Variants in BBX observed in about 807,000 individuals in gnomAD.
BBX encodes the protein HMG box transcription factor BBX.
BBX carries 30 observed loss-of-function variants against 100.2 expected under a neutral mutation model. The ratio of observed to expected loss-of-function variants is 0.30; its 90% confidence interval spans 0.22 to 0.41. BBX has a LOEUF of 0.41. Among genes scored for constraint, BBX ranks in the 10% least tolerant of loss-of-function variants. BBX has a pLI of 1.00. For missense variants in BBX, 1,023 were observed against 1,129.8 expected (o/e 0.91, Z 1.35); for synonymous variants, 376 against 388.1 (o/e 0.97, Z 0.37).
intron 3 of BBX, among the ~76,000 whole-genome samples, chr3:107,655,644 A>G (rs1433744692): frequency 6.6e-6 from 1 of 151,022 alleles, no homozygotes; most frequent in Non-Finnish European, 1.5e-5. Context: ...TTAGCCTCCC[A>G]ATAGCCAGGA....
chr3:107,728,655 G>A, intron 5 of BBX, 110 bp from the exon 6 acceptor site: 1 of 935,848 alleles, frequency 1.1e-6, no homozygotes, highest in Non-Finnish European at 1.6e-6. Flanking sequence ...AGAAGTCACT[G>A]AAATTGTTTT....
intron 16 of BBX, among the ~76,000 whole-genome samples, chr3:107,799,167 C>T (rs1396614980): frequency 6.6e-6 from 1 of 151,492 alleles, no homozygotes; most frequent in African/African-American, 2.4e-5. Context: ...AAAACAACAA[C>T]AACAAACACA....
In BBX at chr3:107,584,194, AT is replaced by A. The variant is rs367562069; in HGVS notation, c.-84+57797del. Among the ~76,000 whole-genome samples the A allele has an allele frequency of 2.7e-3, 90 of 32,796 alleles. 9 individuals carry two copies. Among genetic ancestry groups the A allele is most frequent in the South Asian group, 8.3e-3 (16 of 1,922 alleles). 21.5% of individuals were successfully genotyped at this position (32,796 alleles called of 152,430 possible). The stretch of plus-strand genomic sequence containing the variant: ...TTATATATATTATATATAATATATG[AT>A]ATATATATTATTATATATATTATAT... On this transcript the variant is annotated intron_variant, in intron 2 of 17. Transcript: ENST00000325805.
At chr3:107,797,778 CAG>C (rs1339620085) in intron 15 of BBX, among the ~76,000 whole-genome samples, 1 of 152,154 alleles carries the variant, frequency 6.6e-6, no homozygotes, top group East Asian at 1.9e-4. Flanking sequence ...TTGCTCTTGA[CAG>C]AGTGACTCAG....
intron 2 of BBX, among the ~76,000 whole-genome samples, chr3:107,533,299 T>C (rs1179003097): frequency 2.0e-5 from 3 of 152,228 alleles, no homozygotes; most frequent in Non-Finnish European, 4.4e-5. Context: ...AGTGAAATTC[T>C]CTGATATGCC....
At chr3:107,716,355 A>T in intron 4 of BBX, 1 of 414,416 alleles carries the variant, frequency 2.4e-6, no homozygotes, top group East Asian at 4.3e-5. Context: ...GTAAGCAATT[A>T]TAACACAATG....
chr3:107,801,435 T>C (rs137943979), intron 17 of BBX, among the ~76,000 whole-genome samples, 154 bp downstream of exon 17: 1 of 152,366 alleles, frequency 6.6e-6, no homozygotes, highest in East Asian at 1.9e-4. Flanking sequence ...ATATGCTAAT[T>C]AGCAGTGCGG....
At chr3:107,704,842 A>G (rs1282867340) in intron 3 of BBX, among the ~76,000 whole-genome samples, 1 of 152,212 alleles carries the variant, frequency 6.6e-6, no homozygotes, top group Non-Finnish European at 1.5e-5. Flanking sequence ...AGAATCAAGT[A>G]CAATCAAAGC....
chr3:107,569,182 C>A (rs938891442), intron 2 of BBX, among the ~76,000 whole-genome samples: 5 of 152,164 alleles, frequency 3.3e-5, no homozygotes, highest in African/African-American at 1.2e-4. Context: ...TCATAACAAT[C>A]TTAAGAATAT....
At chr3:107,607,675 C>T (rs781150001) in intron 2 of BBX, among the ~76,000 whole-genome samples, 2 of 152,130 alleles carry the variant, frequency 1.3e-5, no homozygotes, top group Non-Finnish European at 2.9e-5. Flanking sequence ...ACATTCCCAC[C>T]TGCAGCGTGC....
At chr3:107,787,921 C>T (rs2068605425) in intron 13 of BBX, among the ~76,000 whole-genome samples, 1 of 152,088 alleles carries the variant, frequency 6.6e-6, no homozygotes, top group Non-Finnish European at 1.5e-5. Flanking sequence ...AGAGGACTGC[C>T]AGGAGGCCCA....
At chr3:107,669,660 G>A (rs185662000) in intron 3 of BBX, among the ~76,000 whole-genome samples, 44 of 152,168 alleles carry the variant, frequency 2.9e-4, no homozygotes, top group African/African-American at 1.0e-3. Context: ...GGGTTGAAGT[G>A]GTGCCAAAGG....
At chr3:107,633,893 A>G (rs183689234) in intron 2 of BBX, among the ~76,000 whole-genome samples, 5 of 152,308 alleles carry the variant, frequency 3.3e-5, no homozygotes, top group Admixed American at 2.6e-4. Flanking sequence ...TGCCCCCAAC[A>G]GGGTTTCTTA....
intron 2 of BBX, among the ~76,000 whole-genome samples, chr3:107,531,814 C>G (rs1041283858): frequency 6.6e-6 from 1 of 152,294 alleles, no homozygotes; most frequent in Non-Finnish European, 1.5e-5. Flanking sequence ...GAGAGAACAG[C>G]TCTTTTCATA....
intron 10 of BBX, among the ~76,000 whole-genome samples, chr3:107,771,802 C>G (rs570353272): frequency 1.2e-4 from 19 of 152,196 alleles, no homozygotes; most frequent in African/African-American, 4.1e-4. Flanking sequence ...AATTGTTTAG[C>G]AAATGGTTAT....
intron 2 of BBX, among the ~76,000 whole-genome samples, chr3:107,623,899 G>A (rs975531505): frequency 1.6e-4 from 25 of 152,184 alleles, no homozygotes; most frequent in African/African-American, 5.5e-4. Context: ...ACAGACTCTC[G>A]TCTGTAAAGC....
intron 7 of BBX, among the ~76,000 whole-genome samples, chr3:107,737,965 A>C (rs1242217563): frequency 7.5e-6 from 1 of 132,790 alleles, no homozygotes; most frequent in Non-Finnish European, 1.5e-5. Flanking sequence ...CAAAAAATTG[A>C]GATCTGAAAT....
intron 2 of BBX, among the ~76,000 whole-genome samples, chr3:107,541,698 A>G (rs1335090217): frequency 6.6e-6 from 1 of 152,174 alleles, no homozygotes; most frequent in East Asian, 1.9e-4. Context: ...AGTTACAATG[A>G]AAATTAATTA....
intron 10 of BBX, among the ~76,000 whole-genome samples, chr3:107,761,397 A>G (rs957969151): frequency 2.0e-5 from 3 of 152,142 alleles, no homozygotes; most frequent in Admixed American, 2.0e-4. Context: ...ACTTAGAGAG[A>G]TCTTCTTGGC....
Sources: gnomAD v4.1 joint callset for allele counts (sites outside exome capture counted in the v4.1 genomes callset) on GRCh38, gnomAD v4.1.1 for gene constraint, MANE v1.5 for transcripts, NCBI Gene and HGNC (gene_info 2026-07-23, HGNC 2026-07-21) for gene names.